The following FAM135A variants were observed in gnomAD, a reference collection of about 807,000 sequenced individuals.
FAM135A encodes protein FAM135A.
A neutral mutation model predicts 146.8 loss-of-function variants in FAM135A; 79 were observed. The observed-to-expected ratio is 0.54, with a 90% CI of 0.45 to 0.65. The LOEUF (loss-of-function observed/expected upper bound fraction) is 0.65. Among genes scored for constraint, FAM135A ranks in the 30% least tolerant of loss-of-function variants. FAM135A has a pLI of 0.00. For missense variants in FAM135A, 1,623 were observed against 1,758.2 expected (o/e 0.92, Z 1.38); for synonymous variants, 562 against 603.6 (o/e 0.93, Z 1.01).
At chr6:70,499,166 G>C (rs773002001) in intron 11 of FAM135A, among the ~76,000 whole-genome samples, 2 of 151,994 alleles carry the variant, frequency 1.3e-5, no homozygotes, top group Admixed American at 6.6e-5. Context: ...CTCCTGTATT[G>C]GTGCATATAT....
At chr6:70,437,906 A>G (rs1773568867) in intron 4 of FAM135A, among the ~76,000 whole-genome samples, 1 of 152,156 alleles carries the variant, frequency 6.6e-6, no homozygotes, top group African/African-American at 2.4e-5. Flanking sequence ...ATGATGGCGG[A>G]GGAATTGTGA....
At chr6:70,423,129 G>A (rs1008898558) in intron 2 of FAM135A, among the ~76,000 whole-genome samples, 3 of 152,192 alleles carry the variant, frequency 2.0e-5, no homozygotes, top group African/African-American at 7.2e-5. Flanking sequence ...AACAACGAGT[G>A]CAGAGGCCCT....
chr6:70,514,062 A>T (rs963377209), intron 12 of FAM135A, among the ~76,000 whole-genome samples: 1 of 151,602 alleles, frequency 6.6e-6, no homozygotes, highest in Non-Finnish European at 1.5e-5. Context: ...TATCAGTTTT[A>T]AAGAGATTTG....
rs1424633787 is a variant in FAM135A at position 70,542,278 on chromosome 6, C to CACA, written c.4228+3877_4228+3878insACA. Among the ~76,000 whole-genome samples, 594 of 106,820 alleles carry CACA rather than the reference C, an allele frequency of 5.6e-3. 4 individuals carry two copies. Among genetic ancestry groups the CACA allele is most frequent in the African/African-American group, 0.021 (574 of 27,336 alleles). The allele number at this position is 106,820 out of a possible 152,430, so 70.1% of individuals were successfully genotyped here. ...CACACACACACACACACACACACAC[C>CACA]CTTTGCTGTGGTCATGCTATTCATG... On this transcript the variant is annotated intron_variant, in intron 20 of 21. Transcript: ENST00000418814.
At chr6:70,446,114 G>A (rs1204510078) in intron 4 of FAM135A, among the ~76,000 whole-genome samples, 2 of 152,240 alleles carry the variant, frequency 1.3e-5, no homozygotes, top group Non-Finnish European at 2.9e-5. Context: ...AAGGTCAGGT[G>A]TACCTGGGAT....
At chr6:70,471,572 G>T (rs1166918591) in intron 5 of FAM135A, among the ~76,000 whole-genome samples, 7 of 146,016 alleles carry the variant, frequency 4.8e-5, no homozygotes, top group Non-Finnish European at 1.0e-4. Context: ...AGGATAGGGG[G>T]TGGGAGGAGG....
intron 4 of FAM135A, among the ~76,000 whole-genome samples, chr6:70,440,989 T>C (rs1046583937): frequency 2.0e-5 from 3 of 152,234 alleles, no homozygotes; most frequent in Non-Finnish European, 4.4e-5. Context: ...TTCTCCCTAG[T>C]TACTTGTATT....
At chr6:70,522,149 T>G (rs1000825672) in intron 12 of FAM135A, among the ~76,000 whole-genome samples, 1 of 152,168 alleles carries the variant, frequency 6.6e-6, no homozygotes, top group Non-Finnish European at 1.5e-5. Context: ...ACTCTTGACC[T>G]CAGGTAATCC....
intron 5 of FAM135A, among the ~76,000 whole-genome samples, chr6:70,471,842 G>A (rs1428304403): frequency 1.3e-5 from 2 of 152,116 alleles, no homozygotes; most frequent in African/African-American, 4.8e-5. Context: ...GAGCAAGAAC[G>A]CTTAAAAAGA....
At position 70,533,816 on chromosome 6, in the gene FAM135A, G is replaced by A. The variant is rs780280159; in HGVS notation, c.3927G>A (p.Gln1309=). 5.0e-5 allele frequency: 79 copies of A among 1,571,968 alleles called. No individual in the cohort carries two copies. The highest frequency in any genetic ancestry group is 6.5e-5 in the Non-Finnish European group (75 of 1,162,580). Residue 1309 remains glutamine (Q), a synonymous_variant, in exon 18 of 22, where the codon CAG becomes CAA. Coordinates refer to ENST00000418814, the MANE Select transcript of FAM135A (RefSeq NM_001162529.3). ...MTDRLLDEII[Q]YIQIYSLTVS... ...ATCGTCTTTTGGATGAGATAATACA[G>A]TATATTCAGATATATAGTCTAACAG...
At chr6:70,451,603 C>T (rs1013189392) in intron 4 of FAM135A, among the ~76,000 whole-genome samples, 8 of 152,044 alleles carry the variant, frequency 5.3e-5, no homozygotes, top group African/African-American at 1.7e-4. Context: ...TTACTCTTTG[C>T]GATCTGATGC....
At chr6:70,444,257 G>C (rs1251052285) in intron 4 of FAM135A, among the ~76,000 whole-genome samples, 2 of 152,136 alleles carry the variant, frequency 1.3e-5, no homozygotes, top group Non-Finnish European at 2.9e-5. Context: ...ACAAAAATTA[G>C]CTGGGCTTTG....
intron 9 of FAM135A, 99 bp from the exon 10 acceptor site, chr6:70,481,902 T>C (rs565789540): frequency 8.6e-7 from 1 of 1,161,128 alleles, no homozygotes; most frequent in Non-Finnish European, 1.2e-6. Flanking sequence ...ATAAATTTAG[T>C]TGACAGATGG....
intron 2 of FAM135A, among the ~76,000 whole-genome samples, chr6:70,418,723 C>T (rs1768087507): frequency 6.6e-6 from 1 of 152,196 alleles, no homozygotes; most frequent in East Asian, 1.9e-4. Flanking sequence ...GGGCCTCAGC[C>T]AATCAAGAAG....
At chr6:70,509,460 G>A (rs530883577) in intron 12 of FAM135A, among the ~76,000 whole-genome samples, 40 of 152,244 alleles carry the variant, frequency 2.6e-4, no homozygotes, top group African/African-American at 9.4e-4. Flanking sequence ...ACCACTGCCT[G>A]TAAGCCCAAG....
chr6:70,546,380 G>A (rs890569777), intron 20 of FAM135A, among the ~76,000 whole-genome samples: 21 of 152,068 alleles, frequency 1.4e-4, no homozygotes, highest in African/African-American at 5.1e-4. Flanking sequence ...CGTTCTTTTG[G>A]AAAAGCCTAA....
intron 5 of FAM135A, among the ~76,000 whole-genome samples, chr6:70,458,429 GT>G (rs1215737420): frequency 6.6e-6 from 1 of 151,794 alleles, no homozygotes; most frequent in African/African-American, 2.4e-5. Flanking sequence ...CTTGTTTGTG[GT>G]TTGCAAAGAT....
At chr6:70,431,698 A>G (rs1481474908) in intron 4 of FAM135A, among the ~76,000 whole-genome samples, 3 of 152,234 alleles carry the variant, frequency 2.0e-5, no homozygotes, top group African/African-American at 7.2e-5. Flanking sequence ...TACAGGTTAC[A>G]TTTTGTAGGT....
rs745689455 is a variant in FAM135A, at chr6:70,526,309, T to C, written c.3225T>C (p.Ser1075=). The change falls in exon 15 of 22, where the codon AGT becomes AGC. Residue 1075 remains serine, a synonymous_variant. Transcript: ENST00000418814. ...PQKETSEKEI[S]NLQQEQDKED... is the part of the protein sequence containing the mutation. ...AGGAAACTTCTGAAAAAGAAATTAGTAATCTTCAGCAGGAACAGGATAAAG... is the reference window on the plus strand; with the variant it reads ...AGGAAACTTCTGAAAAAGAAATTAGCAATCTTCAGCAGGAACAGGATAAAG... The C allele has an allele frequency of 1.2e-6, 2 of 1,613,202 alleles. No homozygotes were observed. Among genetic ancestry groups the C allele is most frequent in the South Asian group, 1.1e-5 (1 of 91,042 alleles).
Sources: gnomAD v4.1 joint callset for allele counts (sites outside exome capture counted in the v4.1 genomes callset) on GRCh38, gnomAD v4.1.1 for gene constraint, MANE v1.5 for transcripts, NCBI Gene and HGNC (gene_info 2026-07-23, HGNC 2026-07-21) for gene names.